The following PIK3C2G variants were observed in gnomAD, a reference collection of about 807,000 sequenced individuals.
PIK3C2G encodes the protein phosphatidylinositol-4-phosphate 3-kinase catalytic subunit type 2 gamma.
Under a neutral mutation model 181.1 loss-of-function variants are expected in PIK3C2G, and 168 were observed. The observed-to-expected ratio is 0.93, with a 90% CI of 0.82 to 1.05. PIK3C2G has a LOEUF of 1.05. Among genes scored for constraint, PIK3C2G ranks in the 50% least tolerant of loss-of-function variants. PIK3C2G has a pLI of 0.00. For missense variants in PIK3C2G, 1,869 were observed against 1,732.8 expected, an observed-to-expected ratio of 1.08 and a Z score of -1.40; for synonymous variants, 573 against 592.2, an observed-to-expected ratio of 0.97 and a Z score of 0.47.
chr12:18,501,118 G>A (rs754348386), intron 22 of PIK3C2G, among the ~76,000 whole-genome samples: 7 of 152,190 alleles, frequency 4.6e-5, no homozygotes, highest in Non-Finnish European at 8.8e-5. Context: ...CACTCACCGC[G>A]AAGGTCCGCG....
chr12:18,650,963 A>C (rs1358395649), downstream of PIK3C2G, among the ~76,000 whole-genome samples: 13 of 151,416 alleles, frequency 8.6e-5, no homozygotes, highest in African/African-American at 3.2e-4. Flanking sequence ...TATTCTCAAC[A>C]CAGCAATGGG....
intron 13 of PIK3C2G, among the ~76,000 whole-genome samples, chr12:18,372,232 T>TTGTTCTGTTATTTGTTTTCA (rs1362540775): frequency 6.6e-6 from 1 of 151,916 alleles, no homozygotes; most frequent in Non-Finnish European, 1.5e-5. Context: ...TGTGTGTGTG[T>TTGTTCTGTTATTTGTTTTCA]TGTTCTGTTA....
At chr12:18,475,007 A>AG (rs1163858462) in intron 18 of PIK3C2G, among the ~76,000 whole-genome samples, 2 of 152,222 alleles carry the variant, frequency 1.3e-5, no homozygotes, top group African/African-American at 4.8e-5. Context: ...AAGGCTCTTA[A>AG]AACTTTTCTT....
chr12:18,292,075 T>G (rs1321910747), intron 4 of PIK3C2G, among the ~76,000 whole-genome samples: 3 of 150,574 alleles, frequency 2.0e-5, no homozygotes, highest in Non-Finnish European at 3.0e-5. Flanking sequence ...CCAGGTGTGA[T>G]GGCGCATGCC....
chr12:18,245,764 CT>C (rs1948033365), upstream of PIK3C2G, among the ~76,000 whole-genome samples: 1 of 152,098 alleles, frequency 6.6e-6, no homozygotes, highest in African/African-American at 2.4e-5. Context: ...AAAATTTTCA[CT>C]GTTACAAATC....
rs1040392735 is a variant in PIK3C2G at position 18,509,146 on chromosome 12, G to A, written c.3323+3685G>A. On this transcript the variant is annotated intron_variant, in intron 24 of 32. Coordinates refer to ENST00000538779, the MANE Select transcript of PIK3C2G (RefSeq NM_001288772.2). ...AGCTCACTGAAATCTCCACCTCCCTGGTTCAAGCAATTCCCCTGCCTCAGC... is the reference window on the plus strand; with the variant it reads ...AGCTCACTGAAATCTCCACCTCCCTAGTTCAAGCAATTCCCCTGCCTCAGC... 5.3e-5 allele frequency among the ~76,000 whole-genome samples: 8 copies of A among 152,158 alleles called. No individual in the cohort carries two copies. The South Asian group carries it at 6.2e-4, about 12-fold the overall frequency.
chr12:18,282,906 G>GTTCT, intron 2 of PIK3C2G, 147 bp downstream of exon 2: 1 of 466,498 alleles, frequency 2.1e-6, no homozygotes, highest in African/African-American at 2.0e-5. Context: ...CAAATGATGT[G>GTTCT]TTCTTGTATT....
chr12:18,705,132 T>C, the PIK3C2G span: 3 of 1,611,224 alleles, frequency 1.9e-6, no homozygotes, highest in East Asian at 6.7e-5. Context: ...ATGGACTTTT[T>C]TCTTAACCTG....
At chr12:18,379,118 T>C (rs1942662306) in intron 13 of PIK3C2G, among the ~76,000 whole-genome samples, 1 of 152,060 alleles carries the variant, frequency 6.6e-6, no homozygotes, top group African/African-American at 2.4e-5. Context: ...CCAACCCAAA[T>C]GTCCATCAGT....
intron 29 of PIK3C2G, among the ~76,000 whole-genome samples, chr12:18,587,748 CAAACAAAACAAAACA>C (rs147292830): frequency 2.7e-5 from 4 of 150,916 alleles, no homozygotes; most frequent in East Asian, 3.9e-4. Context: ...CAATAACAAC[CAAACAAAACAAAACA>C]AAACAAAACA....
chr12:18,327,134 C>A (rs1339260745), intron 8 of PIK3C2G, among the ~76,000 whole-genome samples: 1 of 151,986 alleles, frequency 6.6e-6, no homozygotes, highest in African/African-American at 2.4e-5. Context: ...TCACTCGCAG[C>A]TAAATTATTT....
chr12:18,272,450 T>A (rs1014315862), intron 1 of PIK3C2G, among the ~76,000 whole-genome samples: 1 of 152,198 alleles, frequency 6.6e-6, no homozygotes, highest in African/African-American at 2.4e-5. Flanking sequence ...CAATGCTTGA[T>A]GCCTAGTTTT....
chr12:18,388,502 TA>T (rs2138027573), intron 14 of PIK3C2G, among the ~76,000 whole-genome samples: 1 of 152,322 alleles, frequency 6.6e-6, no homozygotes, highest in East Asian at 1.9e-4. Context: ...CTTGAACTCC[TA>T]ACCTCAAGTG....
At chr12:18,716,461 A>G in the PIK3C2G span, among the ~76,000 whole-genome samples, 1,029 of 152,316 alleles carry the variant, frequency 6.8e-3, 10 homozygotes, top group African/African-American at 0.023. Flanking sequence ...GAGGCACCCA[A>G]GAGAAAGTTT....
intron 29 of PIK3C2G, among the ~76,000 whole-genome samples, chr12:18,577,677 C>G (rs1946302692): frequency 6.6e-6 from 1 of 152,092 alleles, no homozygotes; most frequent in Admixed American, 6.5e-5. Context: ...TAGTCTCATA[C>G]TAAAAGAAGC....
the PIK3C2G span, among the ~76,000 whole-genome samples, chr12:18,696,527 AAATT>A: frequency 1.3e-5 from 2 of 151,556 alleles, no homozygotes; most frequent in African/African-American, 4.8e-5. Context: ...TTCAAGGAAA[AAATT>A]GATTAGATAA....
At chr12:18,578,089 T>A (rs1297037480) in intron 29 of PIK3C2G, among the ~76,000 whole-genome samples, 1 of 152,198 alleles carries the variant, frequency 6.6e-6, no homozygotes, top group Non-Finnish European at 1.5e-5. Flanking sequence ...ATGCTGGTTC[T>A]AAAGGTAGAA....
At chr12:18,295,221 A>G (rs1591854397) in intron 5 of PIK3C2G, among the ~76,000 whole-genome samples, 1 of 151,636 alleles carries the variant, frequency 6.6e-6, no homozygotes, top group Non-Finnish European at 1.5e-5. Context: ...TTTTATTTGA[A>G]CTTATTAACA....
chr12:18,500,932 C>T (rs543279129), intron 22 of PIK3C2G, among the ~76,000 whole-genome samples: 1 of 152,070 alleles, frequency 6.6e-6, no homozygotes, highest in Non-Finnish European at 1.5e-5. Context: ...ACGAACCCAC[C>T]GGGAGGAACG....
Sources: allele counts gnomAD v4.1 joint callset (sites outside exome capture counted in the v4.1 genomes callset), GRCh38; gene constraint gnomAD v4.1.1; transcripts MANE v1.5; gene names NCBI Gene and HGNC (gene_info 2026-07-23, HGNC 2026-07-21).